DIAPH2: variants seen among roughly 807,000 people sequenced by gnomAD.
DIAPH2 encodes diaphanous related formin 2.
DIAPH2 carries 35 observed loss-of-function variants against 92.7 expected under a neutral mutation model. That is an observed-to-expected ratio of 0.38 (90% confidence interval 0.29 to 0.50). DIAPH2 has a LOEUF of 0.50. Ranked by LOEUF, DIAPH2 falls within the 20% of genes least tolerant of loss-of-function variation. The pLI, the probability that DIAPH2 is intolerant of heterozygous loss-of-function variation, is 0.94. For synonymous variants in DIAPH2, 301 were observed against 280.4 expected (o/e 1.07, Z -0.73); for missense variants, 701 against 819.5 (o/e 0.86, Z 1.77).
intron 26 of DIAPH2, among the ~76,000 whole-genome samples, chrX:97,588,223 C>A (rs1320797652): frequency 8.9e-6 from 1 of 112,194 alleles, no homozygotes; most frequent in Non-Finnish European, 1.9e-5. Context: ...TGCATAAACG[C>A]AAAGTGGGCC....
intron 11 of DIAPH2, among the ~76,000 whole-genome samples, chrX:96,938,524 G>A (rs867728280): frequency 9.0e-6 from 1 of 111,695 alleles, no homozygotes; most frequent in Admixed American, 9.5e-5. Flanking sequence ...GTAAGCCATC[G>A]TATGCTTAAT....
chrX:96,837,363 GTC>G (rs1031266243), intron 4 of DIAPH2, among the ~76,000 whole-genome samples: 5 of 93,866 alleles, frequency 5.3e-5, no homozygotes, highest in Non-Finnish European at 1.1e-4. Context: ...CTCTTTCTCT[GTC>G]TCTCTGTCTG....
chrX:96,962,496 CATATATAT>C lies in DIAPH2; in HGVS notation c.1936-2577_1936-2570del, dbSNP rs761811314. On this transcript the variant is annotated intron_variant, in intron 16 of 26. Coordinates refer to ENST00000324765, the MANE Select transcript of DIAPH2 (RefSeq NM_006729.5). ...ATATATATACACACACACACACACA[CATATATAT>C]ATATATATATATATATATACCTACT... 3.3e-3 allele frequency among the ~76,000 whole-genome samples: 147 copies of C among 44,751 alleles called. 4 individuals are homozygous for C. Among genetic ancestry groups the C allele is most frequent in the African/African-American group, 0.01 (113 of 11,288 alleles). 38.9% of individuals were successfully genotyped at this position (44,751 alleles called of 115,157 possible).
At chrX:97,310,305 A>G (rs1389559145) in intron 23 of DIAPH2, among the ~76,000 whole-genome samples, 2 of 112,568 alleles carry the variant, frequency 1.8e-5, no homozygotes, top group African/African-American at 6.5e-5. Context: ...TAGTACACAG[A>G]TAAACATTTC....
intron 23 of DIAPH2, among the ~76,000 whole-genome samples, chrX:97,307,908 CAAAAAAAA>C (rs34217377): frequency 2.2e-4 from 14 of 64,837 alleles, no homozygotes; most frequent in African/African-American, 7.6e-4. Flanking sequence ...GACTCTGTCT[CAAAAAAAA>C]AAAAAAAAAA....
intron 4 of DIAPH2, among the ~76,000 whole-genome samples, chrX:96,865,201 A>T (rs1187215539): frequency 8.9e-6 from 1 of 112,136 alleles, no homozygotes; most frequent in African/African-American, 3.2e-5. Context: ...TTTTGTTAAG[A>T]TGCCATTTTA....
intron 22 of DIAPH2, among the ~76,000 whole-genome samples, chrX:97,201,322 C>T (rs749270739): frequency 2.8e-5 from 3 of 108,804 alleles, no homozygotes; most frequent in African/African-American, 6.7e-5. Context: ...ATGAGACTGA[C>T]GAATTGACAG....
chrX:97,403,914 T>G (rs1468598441), intron 25 of DIAPH2, among the ~76,000 whole-genome samples: 1 of 108,333 alleles, frequency 9.2e-6, no homozygotes, highest in Non-Finnish European at 1.9e-5. Flanking sequence ...GTGCAATGGC[T>G]CAATCTTGGC....
intron 26 of DIAPH2, among the ~76,000 whole-genome samples, chrX:97,479,949 A>C (rs947860127): frequency 2.7e-5 from 3 of 111,808 alleles, no homozygotes; most frequent in African/African-American, 9.7e-5. Context: ...AAAGGAAAAA[A>C]AATTCTGGGA....
chrX:96,874,487 G>A (rs2065165355), intron 4 of DIAPH2, among the ~76,000 whole-genome samples: 1 of 112,039 alleles, frequency 8.9e-6, no homozygotes. Flanking sequence ...TGGATTTTAA[G>A]TATAGAATAA....
intron 5 of DIAPH2, 23 bp from the exon 6 acceptor site, chrX:96,912,305 C>A (rs765427192): frequency 1.1e-5 from 13 of 1,136,971 alleles, no homozygotes; most frequent in Admixed American, 7.1e-5. Context: ...ACTTATACAT[C>A]TAATTTTTTG....
chrX:97,454,853 CAA>C (rs74581124), intron 26 of DIAPH2, among the ~76,000 whole-genome samples: 7 of 62,596 alleles, frequency 1.1e-4, no homozygotes, highest in Middle Eastern at 0.021. Flanking sequence ...GACTTCGTCT[CAA>C]AAAAAAAAAA....
intron 17 of DIAPH2, among the ~76,000 whole-genome samples, chrX:96,990,597 T>C (rs2066063180): frequency 9.0e-6 from 1 of 111,491 alleles, no homozygotes; most frequent in Admixed American, 9.6e-5. Flanking sequence ...TTTTTATTGA[T>C]ACGTAATAGT....
intron 23 of DIAPH2, among the ~76,000 whole-genome samples, chrX:97,264,414 TACTC>T (rs1422729129): frequency 1.8e-5 from 2 of 110,452 alleles, no homozygotes; most frequent in African/African-American, 3.3e-5. Flanking sequence ...CTCACAGAAA[TACTC>T]ATGCATAGAC....
At chrX:96,930,610 G>T in intron 9 of DIAPH2, 123 bp from the exon 10 acceptor site, 1 of 458,957 alleles carries the variant, frequency 2.2e-6, no homozygotes. Flanking sequence ...TATACTTCTA[G>T]AAATATTTGC....
intron 4 of DIAPH2, among the ~76,000 whole-genome samples, chrX:96,828,936 A>G (rs28580757): frequency 1.8e-5 from 2 of 111,967 alleles, no homozygotes; most frequent in African/African-American, 3.2e-5. Context: ...TGCCACTGAC[A>G]GAAGAAAAAA....
intron 17 of DIAPH2, among the ~76,000 whole-genome samples, chrX:97,003,610 G>A (rs75086378): frequency 1.4e-3 from 154 of 112,051 alleles, no homozygotes; most frequent in African/African-American, 4.6e-3. Context: ...CTTCTTTTGA[G>A]AAACGTCTAT....
At chrX:97,267,477 A>G (rs1177234317) in intron 23 of DIAPH2, among the ~76,000 whole-genome samples, 1 of 111,764 alleles carries the variant, frequency 8.9e-6, no homozygotes, top group Admixed American at 9.6e-5. Flanking sequence ...GTTACTTTGT[A>G]ACTGTTTTTG....
chrX:97,391,619 C>T lies in DIAPH2; in HGVS notation c.3145+7575C>T, dbSNP rs1052935808. 5.4e-5 allele frequency among the ~76,000 whole-genome samples: 6 copies of T among 110,833 alleles called. No individual in the cohort carries two copies. In the East Asian group the frequency reaches 1.1e-3, roughly 21 times the overall value. ...ACTTTTTAAAAAAGTGTACACTTTC[C>T]GTAAAGCTTCTATTTCCTATCAATG... On this transcript the variant is annotated intron_variant, in intron 25 of 26. Transcript: ENST00000324765.
Sources: gnomAD v4.1 joint callset for allele counts (sites outside exome capture counted in the v4.1 genomes callset) on GRCh38, gnomAD v4.1.1 for gene constraint, MANE v1.5 for transcripts, NCBI Gene and HGNC (gene_info 2026-07-23, HGNC 2026-07-21) for gene names.